Variants in HECW2 observed in about 807,000 individuals in gnomAD.
The protein encoded by HECW2 is HECT, C2 and WW domain containing E3 ubiquitin protein ligase 2.
HECW2 carries 61 observed loss-of-function variants against 175.2 expected under a neutral mutation model. The observed-to-expected ratio is 0.35, with a 90% confidence interval of 0.28 to 0.43. HECW2 has a LOEUF of 0.43. Among genes scored for constraint, HECW2 ranks in the 20% least tolerant of loss-of-function variants. The pLI, the probability that HECW2 is intolerant of heterozygous loss-of-function variation, is 1.00. For missense variants in HECW2, 1,524 were observed against 2,000.5 expected (o/e 0.76, Z 4.54); for synonymous variants, 671 against 731.0 (o/e 0.92, Z 1.32).
intron 2 of HECW2, among the ~76,000 whole-genome samples, chr2:196,387,773 C>T (rs1258761568): frequency 1.3e-5 from 2 of 152,084 alleles, no homozygotes; most frequent in Admixed American, 6.6e-5. Context: ...AGAAAAGAGA[C>T]CACTGGGGTC....
intron 1 of HECW2, among the ~76,000 whole-genome samples, chr2:196,527,351 G>A (rs914850500): frequency 8.5e-5 from 13 of 152,234 alleles, no homozygotes; most frequent in African/African-American, 2.9e-4. Flanking sequence ...CACGGTGCAC[G>A]CACCCACTGG....
At chr2:196,555,240 C>A (rs1032450859) in intron 1 of HECW2, among the ~76,000 whole-genome samples, 19 of 152,054 alleles carry the variant, frequency 1.2e-4, no homozygotes, top group African/African-American at 4.3e-4. Flanking sequence ...CGGGGAGGTG[C>A]AAGATCAAGT....
intron 1 of HECW2, among the ~76,000 whole-genome samples, chr2:196,489,222 A>G (rs987975744): frequency 6.6e-6 from 1 of 152,162 alleles, no homozygotes; most frequent in African/African-American, 2.4e-5. Flanking sequence ...TACTGAACAT[A>G]TTTTTAAATA....
At chr2:196,564,117 T>C (rs1230257442) in intron 1 of HECW2, among the ~76,000 whole-genome samples, 2 of 152,134 alleles carry the variant, frequency 1.3e-5, no homozygotes, top group Non-Finnish European at 2.9e-5. Flanking sequence ...AGTAGTGATA[T>C]CACCTCAGCT....
chr2:196,549,476 A>G (rs970696590), intron 1 of HECW2, among the ~76,000 whole-genome samples: 2 of 152,160 alleles, frequency 1.3e-5, no homozygotes, highest in African/African-American at 4.8e-5. Context: ...TTTACTCAAG[A>G]TATTTGTAAG....
chr2:196,548,871 C>T (rs923710617), intron 1 of HECW2, among the ~76,000 whole-genome samples: 1 of 152,110 alleles, frequency 6.6e-6, no homozygotes, highest in Non-Finnish European at 1.5e-5. Context: ...TCCCTCTGTG[C>T]GTGTCTTTCT....
chr2:196,408,586 A>G (rs1265535303), intron 2 of HECW2, among the ~76,000 whole-genome samples: 1 of 152,240 alleles, frequency 6.6e-6, no homozygotes, highest in Non-Finnish European at 1.5e-5. Context: ...AAATGACTAG[A>G]TAAATGGGAA....
At chr2:196,205,917 A>T (rs900867429) in intron 28 of HECW2, among the ~76,000 whole-genome samples, 31 of 152,192 alleles carry the variant, frequency 2.0e-4, no homozygotes, top group African/African-American at 7.0e-4. Flanking sequence ...AGCATTGCTA[A>T]TAAGGAAATT....
chr2:196,432,644 G>A (rs1326211404), intron 2 of HECW2, among the ~76,000 whole-genome samples: 1 of 152,136 alleles, frequency 6.6e-6, no homozygotes, highest in Non-Finnish European at 1.5e-5. Flanking sequence ...CTAGAACAGA[G>A]TCATGAAATT....
At chr2:196,437,776 G>T (rs891146492) in intron 1 of HECW2, among the ~76,000 whole-genome samples, 6 of 151,990 alleles carry the variant, frequency 3.9e-5, no homozygotes, top group Admixed American at 3.9e-4. Flanking sequence ...CAAAGTTAAA[G>T]CGGGAGAGAG....
rs946015854 is a variant in HECW2 at position 196,557,949 on chromosome 2, C to T, written c.-36+35559G>A. ...AGCAAAAAATTAATAATACTTAACA[C>T]GATTATAAAATATGTTTATGGCATG... is the stretch of plus-strand genomic sequence containing the variant. On this transcript the variant is annotated intron_variant, in intron 1 of 28. Transcript: ENST00000644978. Among the ~76,000 whole-genome samples, 9 of 150,484 alleles carry T rather than the reference C, an allele frequency of 6.0e-5. No homozygotes were observed. In the East Asian group the frequency reaches 7.7e-4, roughly 13 times the overall value.
Position 196,224,564 on chromosome 2 carries a change from T to C in HECW2, c.4016+1208A>G, listed in dbSNP as rs147223841. 1.4e-4 allele frequency among the ~76,000 whole-genome samples: 21 copies of C among 152,196 alleles called. No individual in the cohort carries two copies. The East Asian group carries it at 3.9e-3, about 28-fold the overall frequency. ...AACCCGCAAAGTACAGTGTCATAGA[T>C]GCCAGCTCTGAAGGAAAGACACAGG... On this transcript the variant is annotated intron_variant, in intron 23 of 28. Coordinates refer to ENST00000644978, the MANE Select transcript of HECW2 (RefSeq NM_001348768.2).
chr2:196,548,169 A>G (rs1689484712), intron 1 of HECW2, among the ~76,000 whole-genome samples: 1 of 151,908 alleles, frequency 6.6e-6, no homozygotes. Flanking sequence ...CTCTACCAAA[A>G]ATACAAAAAT....
chr2:196,313,189 A>C (rs1278937948), intron 10 of HECW2, among the ~76,000 whole-genome samples: 1 of 152,142 alleles, frequency 6.6e-6, no homozygotes, highest in African/African-American at 2.4e-5. Flanking sequence ...TCACAATTAC[A>C]CTGGAATCAA....
At chr2:196,557,781 T>A (rs1315406205) in intron 1 of HECW2, among the ~76,000 whole-genome samples, 8 of 152,218 alleles carry the variant, frequency 5.3e-5, no homozygotes, top group African/African-American at 1.9e-4. Context: ...GTAAAATATA[T>A]GCATGTAGGG....
chr2:196,317,276 G>A lies in HECW2; in HGVS notation c.2432C>T (p.Pro811Leu). The change falls in exon 10 of 29, where the codon CCA becomes CTA. Residue 811 changes from proline to leucine, a missense_variant and splice_region_variant. This residue lies in a region of HECW2 where 82 missense variants were observed against 124.4 expected (regional missense o/e 0.66). Transcript: ENST00000644978. The part of the protein sequence containing the change: ...RYQRVDEALP[P>L]NWEARIDSHG... ...CCTTTTAACTAACAGGTCCTCACTT[G>A]GTGGGAGAGCCTCGTCCACCCTCTG... 1 of 1,610,250 alleles carries A rather than the reference G, an allele frequency of 6.2e-7. No individual in the cohort carries two copies. The highest frequency in any genetic ancestry group is 8.5e-7 in the Non-Finnish European group (1 of 1,177,728).
chr2:196,516,837 A>G (rs980100735), intron 1 of HECW2, among the ~76,000 whole-genome samples: 3 of 152,218 alleles, frequency 2.0e-5, no homozygotes. Flanking sequence ...GTCTTTGAGT[A>G]AGCATCAGTT....
chr2:196,543,349 A>G (rs185243325), intron 1 of HECW2, among the ~76,000 whole-genome samples: 213 of 151,732 alleles, frequency 1.4e-3, no homozygotes, highest in African/African-American at 5.1e-3. Flanking sequence ...TAGAACATTC[A>G]AGATACATTT....
At chr2:196,422,361 C>T (rs967660245) in intron 2 of HECW2, among the ~76,000 whole-genome samples, 2 of 152,028 alleles carry the variant, frequency 1.3e-5, no homozygotes, top group African/African-American at 4.8e-5. Context: ...AGCTCTGAGC[C>T]GAAGTGAAAT....
Sources: allele counts gnomAD v4.1 joint callset (sites outside exome capture counted in the v4.1 genomes callset), GRCh38; gene constraint gnomAD v4.1.1; regional missense constraint gnomAD v4.1.1; transcripts MANE v1.5; gene names NCBI Gene and HGNC (gene_info 2026-07-23, HGNC 2026-07-21).